USP15: variants seen among roughly 807,000 people sequenced by gnomAD.
USP15 encodes ubiquitin specific peptidase 15, also known as ubiquitin carboxyl-terminal hydrolase 15.
A neutral mutation model predicts 127.1 loss-of-function variants in USP15; 18 were observed. The ratio of observed to expected loss-of-function variants is 0.14; its 90% CI spans 0.10 to 0.21. The LOEUF is 0.21. Ranked by LOEUF, USP15 falls within the 10% of genes least tolerant of loss-of-function variation. The pLI is 1.00. For missense variants in USP15, 805 were observed against 1,159.9 expected, an observed-to-expected ratio of 0.69 and a Z score of 4.44; for synonymous variants, 364 against 393.7, an observed-to-expected ratio of 0.92 and a Z score of 0.89.
Position 62,405,921 on chromosome 12 carries a change from T to TG in USP15, c.*1547dup, listed in dbSNP as rs576189633. The stretch of plus-strand genomic sequence containing the variant: ...TTGATCATGGCTTTGCTTTATATCT[T>TG]GATATTAAAGCTGGTTTATCATCCT... On this transcript the variant is annotated 3_prime_UTR_variant, in exon 22 of 22. Transcript: ENST00000280377. 9.2e-5 allele frequency: 14 copies of TG among 152,454 alleles called. No individual in the cohort carries two copies. The East Asian group carries it at 2.7e-3, about 29-fold the overall frequency. 9.4% of individuals were successfully genotyped at this position (152,454 alleles called of 1,614,324 possible).
chr12:62,375,641 T>A (rs1325602604), intron 8 of USP15, among the ~76,000 whole-genome samples: 1 of 152,148 alleles, frequency 6.6e-6, no homozygotes, highest in African/African-American at 2.4e-5. Context: ...AAATAAGTGT[T>A]TAAGAATAAA....
At chr12:62,335,334 A>C in intron 6 of USP15, 2 of 1,442,288 alleles carry the variant, frequency 1.4e-6, no homozygotes, top group Non-Finnish European at 1.8e-6. Flanking sequence ...AATCTGAGTC[A>C]GAAGTCGGAA....
chr12:62,364,148 C>T (rs1020473616), intron 8 of USP15, among the ~76,000 whole-genome samples: 6 of 152,136 alleles, frequency 3.9e-5, no homozygotes, highest in South Asian at 4.2e-4. Flanking sequence ...AAAAGACGTC[C>T]GAGAACTAAG....
intron 8 of USP15, among the ~76,000 whole-genome samples, chr12:62,366,246 T>G (rs1234099973): frequency 1.3e-5 from 2 of 152,238 alleles, no homozygotes; most frequent in Non-Finnish European, 2.9e-5. Flanking sequence ...TTTGTAGTTC[T>G]CCTTGAAGAG....
intron 4 of USP15, among the ~76,000 whole-genome samples, chr12:62,318,928 C>T (rs932581167): frequency 6.6e-5 from 10 of 152,208 alleles, no homozygotes; most frequent in African/African-American, 2.4e-4. Flanking sequence ...GACCACTTAA[C>T]ACTGCTTCCA....
At chr12:62,349,041 A>C (rs1478323559) in intron 6 of USP15, among the ~76,000 whole-genome samples, 180 bp from the exon 7 acceptor site, 1 of 152,098 alleles carries the variant, frequency 6.6e-6, no homozygotes, top group African/African-American at 2.4e-5. Flanking sequence ...TTGTACTTTT[A>C]TGTTTTTATA....
intron 3 of USP15, among the ~76,000 whole-genome samples, chr12:62,314,352 A>G (rs2064767806): frequency 6.6e-6 from 1 of 151,890 alleles, no homozygotes; most frequent in African/African-American, 2.4e-5. Flanking sequence ...TGGGATCACT[A>G]CTAAAAGCTA....
intron 6 of USP15, chr12:62,335,233 AG>A (rs2065425349): frequency 3.9e-6 from 6 of 1,535,076 alleles, no homozygotes; most frequent in Non-Finnish European, 5.2e-6. Context: ...AGAGAGCTAA[AG>A]GGCTCTGGTT....
intron 8 of USP15, among the ~76,000 whole-genome samples, chr12:62,375,625 A>T (rs1261628909): frequency 6.6e-6 from 1 of 152,178 alleles, no homozygotes; most frequent in Non-Finnish European, 1.5e-5. Flanking sequence ...TTTAGAAGAG[A>T]TGTTGAAATA....
At chr12:62,362,884 C>T (rs758121144) in intron 8 of USP15, among the ~76,000 whole-genome samples, 13 of 151,926 alleles carry the variant, frequency 8.6e-5, no homozygotes, top group Non-Finnish European at 7.4e-5. Context: ...GTCATATTTA[C>T]GAAAAGTAAC....
chr12:62,286,885 T>C (rs1331709617), intron 1 of USP15, among the ~76,000 whole-genome samples: 2 of 149,038 alleles, frequency 1.3e-5, no homozygotes, highest in Non-Finnish European at 3.0e-5. Flanking sequence ...TGCGGTGAGC[T>C]GAGATCGCAC....
At chr12:62,366,500 A>G (rs1438452829) in intron 8 of USP15, among the ~76,000 whole-genome samples, 4 of 152,168 alleles carry the variant, frequency 2.6e-5, no homozygotes, top group Non-Finnish European at 5.9e-5. Context: ...CTGCCAACAG[A>G]GACAATTTGA....
At chr12:62,358,178 A>G (rs1466687881) in intron 8 of USP15, among the ~76,000 whole-genome samples, 5 of 152,150 alleles carry the variant, frequency 3.3e-5, no homozygotes, top group African/African-American at 1.2e-4. Flanking sequence ...AAGAGTGTAA[A>G]AAGTATACTT....
intron 1 of USP15, among the ~76,000 whole-genome samples, chr12:62,279,413 T>G (rs1052102413): frequency 6.6e-6 from 1 of 152,230 alleles, no homozygotes; most frequent in African/African-American, 2.4e-5. Flanking sequence ...GCATCTTGGC[T>G]ATTGTGAATA....
chr12:62,339,701 A>C (rs2065588789), intron 6 of USP15, among the ~76,000 whole-genome samples: 2 of 152,156 alleles, frequency 1.3e-5, no homozygotes, highest in South Asian at 4.1e-4. Flanking sequence ...TGATTTGCAT[A>C]TGTTGAACCA....
chr12:62,298,019 A>G (rs1325439046), intron 2 of USP15, among the ~76,000 whole-genome samples: 1 of 152,236 alleles, frequency 6.6e-6, no homozygotes, highest in Non-Finnish European at 1.5e-5. Flanking sequence ...TGAAAAATTC[A>G]CTAGAGGTCT....
chr12:62,292,014 T>C (rs1388488235), intron 1 of USP15, among the ~76,000 whole-genome samples: 1 of 152,136 alleles, frequency 6.6e-6, no homozygotes, highest in East Asian at 1.9e-4. Flanking sequence ...CGCTTGACCT[T>C]TGTTTGCCAG....
chr12:62,276,807 A>G (rs1162873820), intron 1 of USP15, among the ~76,000 whole-genome samples: 1 of 152,168 alleles, frequency 6.6e-6, no homozygotes, highest in Non-Finnish European at 1.5e-5. Flanking sequence ...AAAAAGTACA[A>G]CTATAAAAAA....
chr12:62,373,518 A>G (rs1480914048), intron 8 of USP15, among the ~76,000 whole-genome samples: 1 of 151,994 alleles, frequency 6.6e-6, no homozygotes, highest in Non-Finnish European at 1.5e-5. Flanking sequence ...TATATATTCA[A>G]GTGTTAGGAC....
Sources: gnomAD v4.1 joint callset for allele counts (sites outside exome capture counted in the v4.1 genomes callset) on GRCh38, gnomAD v4.1.1 for gene constraint, MANE v1.5 for transcripts, NCBI Gene and HGNC (gene_info 2026-07-23, HGNC 2026-07-21) for gene names.